TTC28: variants seen among roughly 807,000 people sequenced by gnomAD.
TTC28 encodes the protein tetratricopeptide repeat domain 28.
A neutral mutation model predicts 198.0 loss-of-function variants in TTC28; 61 were observed. That is an observed-to-expected ratio of 0.31 (90% CI 0.25 to 0.38). The LOEUF (loss-of-function observed/expected upper bound fraction) is 0.38, where lower values mean the gene tolerates loss of function less well. Among genes scored for constraint, TTC28 ranks in the 10% least tolerant of loss-of-function variants. TTC28 has a pLI of 1.00. For missense variants in TTC28, 2,678 were observed against 3,164.0 expected (o/e 0.85, Z 3.69); for synonymous variants, 1,171 against 1,297.8 (o/e 0.90, Z 2.10).
intron 2 of TTC28, among the ~76,000 whole-genome samples, chr22:28,410,702 CA>C (rs1440093688): frequency 6.6e-6 from 1 of 151,942 alleles, no homozygotes; most frequent in Admixed American, 6.6e-5. Context: ...ATAAGGAAAA[CA>C]AAACTGGTAT....
chr22:28,509,012 G>A lies in TTC28; in HGVS notation c.381+120540C>T, dbSNP rs540283994. ...TCGAGACCAGCCTAGCCAACACAGC[G>A]AAACCGCATCTCTACTAAAAATACA... On this transcript the variant is annotated intron_variant, in intron 2 of 22. Coordinates refer to ENST00000397906, the MANE Select transcript of TTC28 (RefSeq NM_001145418.2). Among the ~76,000 whole-genome samples the A allele has an allele frequency of 3.2e-3, 480 of 152,012 alleles. 4 individuals are homozygous for A. Among genetic ancestry groups the A allele is most frequent in the Non-Finnish European group, 4.6e-3 (315 of 67,972 alleles).
At chr22:28,327,457 A>C (rs1407390107) in intron 2 of TTC28, among the ~76,000 whole-genome samples, 2 of 152,212 alleles carry the variant, frequency 1.3e-5, no homozygotes, top group African/African-American at 4.8e-5. Flanking sequence ...GTTAGCCATG[A>C]ATTCAATGTT....
intron 2 of TTC28, among the ~76,000 whole-genome samples, chr22:28,366,113 T>C (rs2046242132): frequency 1.3e-5 from 2 of 152,322 alleles, no homozygotes; most frequent in Admixed American, 6.5e-5. Flanking sequence ...ATGTTGAAAA[T>C]ACCATTCTAT....
intron 2 of TTC28, among the ~76,000 whole-genome samples, chr22:28,547,152 G>A (rs867672111): frequency 1.3e-5 from 2 of 152,120 alleles, no homozygotes; most frequent in African/African-American, 4.8e-5. Flanking sequence ...ATATTTGCAT[G>A]TCAATTATAC....
chr22:28,453,228 T>C (rs1197297911), intron 2 of TTC28, among the ~76,000 whole-genome samples: 1 of 152,264 alleles, frequency 6.6e-6, no homozygotes, highest in Non-Finnish European at 1.5e-5. Flanking sequence ...TTTCTGTTAC[T>C]TGTAACTCAG....
At chr22:28,018,595 T>C (rs1938474800) in intron 13 of TTC28, among the ~76,000 whole-genome samples, 1 of 152,188 alleles carries the variant, frequency 6.6e-6, no homozygotes, top group African/African-American at 2.4e-5. Flanking sequence ...CAGCTGCCTC[T>C]GGTTTCTCCA....
intron 2 of TTC28, among the ~76,000 whole-genome samples, chr22:28,467,854 G>A (rs947496006): frequency 9.9e-5 from 15 of 152,020 alleles, no homozygotes; most frequent in African/African-American, 3.1e-4. Context: ...CTCTACCTCC[G>A]GGGCTCAAGA....
In TTC28 at chr22:28,469,097, CT is replaced by C. The variant is rs1490479022; in HGVS notation, c.381+160454del. On this transcript the variant is annotated intron_variant, in intron 2 of 22. Transcript: ENST00000397906. The stretch of plus-strand genomic sequence containing the variant: ...TGTGAAGTCTGAGGCCATGTTTGTC[CT>C]GCATGAGCCTTCCCCCTGGCCTATG... Among the ~76,000 whole-genome samples, 41 of 152,270 alleles carry C rather than the reference CT, an allele frequency of 2.7e-4. 2 individuals are homozygous for C. Among genetic ancestry groups the C allele is most frequent in the African/African-American group, 9.4e-4 (39 of 41,562 alleles).
chr22:28,041,871 TCAAA>T (rs1297168454), intron 12 of TTC28, among the ~76,000 whole-genome samples: 5 of 150,780 alleles, frequency 3.3e-5, no homozygotes, highest in Non-Finnish European at 3.0e-5. Flanking sequence ...TACAAAGAAC[TCAAA>T]CAAATTTACA....
At chr22:28,163,647 T>A (rs906208948) in intron 5 of TTC28, 48 bp from the exon 6 acceptor site, 2 of 1,462,536 alleles carry the variant, frequency 1.4e-6, no homozygotes, top group Non-Finnish European at 9.0e-7. Context: ...ATCAGAATGG[T>A]TTTGGTATAT....
intron 5 of TTC28, among the ~76,000 whole-genome samples, chr22:28,283,522 T>G (rs968580240): frequency 5.3e-5 from 8 of 152,134 alleles, no homozygotes; most frequent in African/African-American, 1.9e-4. Context: ...TGTAGCTACA[T>G]CCTAAAGGAA....
intron 12 of TTC28, among the ~76,000 whole-genome samples, chr22:28,086,583 C>T (rs1359787641): frequency 1.3e-4 from 20 of 152,040 alleles, no homozygotes; most frequent in Admixed American, 1.2e-3. Context: ...AATTGACACC[C>T]TAACATCACA....
chr22:28,340,264 A>G (rs1047586039), intron 2 of TTC28, among the ~76,000 whole-genome samples: 7 of 152,078 alleles, frequency 4.6e-5, no homozygotes, highest in African/African-American at 7.2e-5. Context: ...AAGGTGCTTT[A>G]CAACTGTAAC....
chr22:28,475,211 T>G (rs2048147874), intron 2 of TTC28, among the ~76,000 whole-genome samples: 1 of 135,898 alleles, frequency 7.4e-6, no homozygotes, highest in Non-Finnish European at 1.6e-5. Flanking sequence ...TAAAAACAAG[T>G]AAGATAATTA....
chr22:28,087,419 T>C (rs1480602982), intron 12 of TTC28, among the ~76,000 whole-genome samples: 7 of 152,186 alleles, frequency 4.6e-5, no homozygotes, highest in Admixed American at 1.3e-4. Context: ...ACCACATGAT[T>C]ATCTCAATAG....
At chr22:28,274,822 A>T (rs2145717573) in intron 5 of TTC28, among the ~76,000 whole-genome samples, 1 of 152,142 alleles carries the variant, frequency 6.6e-6, no homozygotes, top group East Asian at 1.9e-4. Flanking sequence ...TCTACTAAAA[A>T]TACAAAATTT....
intron 5 of TTC28, among the ~76,000 whole-genome samples, chr22:28,218,771 G>T (rs1927609404): frequency 1.3e-5 from 2 of 151,966 alleles, no homozygotes; most frequent in Admixed American, 1.3e-4. Context: ...GCTTCATTGA[G>T]GACATTTTTA....
chr22:28,316,248 T>C (rs1394115472), intron 2 of TTC28, among the ~76,000 whole-genome samples: 1 of 152,174 alleles, frequency 6.6e-6, no homozygotes, highest in Non-Finnish European at 1.5e-5. Context: ...CTGCAGGCTG[T>C]TCTTTTGCTT....
At position 28,367,212 on chromosome 22, in the gene TTC28, CA is replaced by C. The variant is rs977406262; in HGVS notation, c.382-60570del. 1.5e-4 allele frequency among the ~76,000 whole-genome samples: 23 copies of C among 150,042 alleles called. No homozygotes were observed. In the East Asian group the frequency reaches 2.0e-3, roughly 13 times the overall value. On this transcript the variant is annotated intron_variant, in intron 2 of 22. Coordinates refer to ENST00000397906, the MANE Select transcript of TTC28 (RefSeq NM_001145418.2). The stretch of plus-strand genomic sequence containing the variant: ...GTCAAAAAAGAAGTCTTAAAAATTT[CA>C]AAAAAAAATTGAAATAATATCAAGT...
Sources: allele counts gnomAD v4.1 joint callset (sites outside exome capture counted in the v4.1 genomes callset), GRCh38; gene constraint gnomAD v4.1.1; transcripts MANE v1.5; gene names NCBI Gene and HGNC (gene_info 2026-07-23, HGNC 2026-07-21).